The following APBA1 variants were observed in gnomAD, a reference collection of about 807,000 sequenced individuals.
APBA1 encodes amyloid-beta A4 precursor protein-binding family A member 1.
In APBA1, 55 loss-of-function variants were observed where a neutral mutation model predicts 86.6. The ratio of observed to expected loss-of-function variants is 0.64; its 90% CI spans 0.51 to 0.80. The LOEUF is 0.80. APBA1 is among the 30% of genes least tolerant of loss of function. The pLI, the probability that APBA1 is intolerant of heterozygous loss-of-function variation, is 0.00. For synonymous variants in APBA1, 511 were observed against 493.9 expected (o/e 1.03, Z -0.46); for missense variants, 1,090 against 1,183.0 (o/e 0.92, Z 1.15).
chr9:69,562,776 A>G (rs1836966957), intron 1 of APBA1, among the ~76,000 whole-genome samples: 2 of 152,246 alleles, frequency 1.3e-5, no homozygotes, highest in Admixed American at 6.5e-5. Flanking sequence ...TGCTGGAAAG[A>G]GAAGAAAGAT....
rs574689073 is a variant in APBA1 at position 69,546,962 on chromosome 9, A to G, written c.-69-29683T>C. 1.6e-3 allele frequency among the ~76,000 whole-genome samples: 251 copies of G among 152,362 alleles called. 1 individual carries two copies. The highest frequency in any genetic ancestry group is 5.8e-3 in the African/African-American group (241 of 41,592). ...GGCAGTTTAAAAGTGTTACGCATACATTTAAAACTACTTCTGTTTTGAAAT... is the reference window on the plus strand; with the variant it reads ...GGCAGTTTAAAAGTGTTACGCATACGTTTAAAACTACTTCTGTTTTGAAAT... On this transcript the variant is annotated intron_variant, in intron 1 of 12. Transcript: ENST00000265381.
chr9:69,476,912 T>C (rs755895474), intron 2 of APBA1, among the ~76,000 whole-genome samples: 1 of 152,260 alleles, frequency 6.6e-6, no homozygotes, highest in South Asian at 2.1e-4. Context: ...CAGGTCAGTG[T>C]ACACAGAAGG....
At chr9:69,636,046 T>G (rs1823150616) in intron 1 of APBA1, among the ~76,000 whole-genome samples, 1 of 152,068 alleles carries the variant, frequency 6.6e-6, no homozygotes, top group South Asian at 2.1e-4. Context: ...CTAAAACAAC[T>G]CTATAGGAAA....
intron 1 of APBA1, among the ~76,000 whole-genome samples, chr9:69,635,893 A>G (rs1444949254): frequency 2.0e-5 from 3 of 152,216 alleles, no homozygotes; most frequent in African/African-American, 7.2e-5. Context: ...AGGAAACCAA[A>G]GCAAAAATGG....
At chr9:69,617,961 C>CAG (rs1822735952) in intron 1 of APBA1, among the ~76,000 whole-genome samples, 1 of 151,972 alleles carries the variant, frequency 6.6e-6, no homozygotes. Context: ...CTTAAACACA[C>CAG]ACACACAGCC....
intron 1 of APBA1, among the ~76,000 whole-genome samples, chr9:69,528,705 G>T (rs1261160242): frequency 6.6e-6 from 1 of 151,764 alleles, no homozygotes; most frequent in African/African-American, 2.4e-5. Flanking sequence ...GGGGGCGAGG[G>T]TATTAAATCA....
At chr9:69,631,985 C>G (rs1340299915) in intron 1 of APBA1, among the ~76,000 whole-genome samples, 1 of 151,818 alleles carries the variant, frequency 6.6e-6, no homozygotes, top group Non-Finnish European at 1.5e-5. Flanking sequence ...CAACATGGCA[C>G]ATGTATACAT....
At chr9:69,596,198 G>A (rs1025471256) in intron 1 of APBA1, among the ~76,000 whole-genome samples, 2 of 152,206 alleles carry the variant, frequency 1.3e-5, no homozygotes, top group East Asian at 3.9e-4. Flanking sequence ...TGTTGCCCAT[G>A]CTGGCATTGA....
At chr9:69,513,512 C>G (rs765172523) in intron 2 of APBA1, among the ~76,000 whole-genome samples, 3 of 152,256 alleles carry the variant, frequency 2.0e-5, no homozygotes, top group Non-Finnish European at 4.4e-5. Flanking sequence ...AAAACCTGCT[C>G]TATTTCCACC....
chr9:69,594,797 A>G (rs1822197864), intron 1 of APBA1, among the ~76,000 whole-genome samples: 2 of 152,150 alleles, frequency 1.3e-5, no homozygotes, highest in Admixed American at 1.3e-4. Flanking sequence ...AGCCAATCAT[A>G]CAACACTTTC....
At chr9:69,528,767 C>G (rs948429209) in intron 1 of APBA1, among the ~76,000 whole-genome samples, 2 of 152,132 alleles carry the variant, frequency 1.3e-5, no homozygotes, top group African/African-American at 2.4e-5. Flanking sequence ...CATACGTACA[C>G]ACACACACAA....
intron 1 of APBA1, among the ~76,000 whole-genome samples, chr9:69,583,066 C>T (rs1402699281): frequency 6.6e-6 from 1 of 152,152 alleles, no homozygotes; most frequent in Non-Finnish European, 1.5e-5. Flanking sequence ...TGTTCTTTGT[C>T]TATGAGGAAC....
intron 4 of APBA1, among the ~76,000 whole-genome samples, chr9:69,468,851 T>TA (rs1257175576): frequency 6.7e-6 from 1 of 148,834 alleles, no homozygotes; most frequent in Non-Finnish European, 1.5e-5. Flanking sequence ...AATTGAAACA[T>TA]ACGTATTTTA....
rs185803171 is a variant in APBA1, at chr9:69,639,972, G to C, written c.-70+32181C>G. ...ATTTATATAAAACACAGAGAACAGA[G>C]AGCATATGAAATGACAGTACAGGGG... On this transcript the variant is annotated intron_variant, in intron 1 of 12. Coordinates refer to ENST00000265381, the MANE Select transcript of APBA1 (RefSeq NM_001163.4). Among the ~76,000 whole-genome samples, 361 of 152,132 alleles carry C rather than the reference G, an allele frequency of 2.4e-3. 1 individual carries two copies. The highest frequency in any genetic ancestry group is 8.1e-3 in the African/African-American group (335 of 41,540).
At chr9:69,493,278 C>T (rs1443288133) in intron 2 of APBA1, among the ~76,000 whole-genome samples, 1 of 151,966 alleles carries the variant, frequency 6.6e-6, no homozygotes, top group Non-Finnish European at 1.5e-5. Context: ...TTTTTTCCCT[C>T]TTCTACTTCC....
chr9:69,542,265 A>T (rs936678554), intron 1 of APBA1, among the ~76,000 whole-genome samples: 1 of 152,232 alleles, frequency 6.6e-6, no homozygotes, highest in Non-Finnish European at 1.5e-5. Flanking sequence ...AGACTGGCAC[A>T]TCGTTATAAA....
intron 2 of APBA1, among the ~76,000 whole-genome samples, chr9:69,498,989 AAC>A (rs1374336340): frequency 3.3e-5 from 5 of 152,130 alleles, no homozygotes; most frequent in African/African-American, 1.2e-4. Context: ...CTGCCTGGAA[AAC>A]ACACTGGGTT....
chr9:69,467,374 G>A (rs1835295676), intron 5 of APBA1, among the ~76,000 whole-genome samples: 1 of 152,160 alleles, frequency 6.6e-6, no homozygotes, highest in African/African-American at 2.4e-5. Context: ...CATTTTCCTT[G>A]AAGCAAGCAA....
intron 1 of APBA1, among the ~76,000 whole-genome samples, chr9:69,590,230 C>T (rs1480363320): frequency 4.6e-5 from 7 of 152,196 alleles, no homozygotes; most frequent in Admixed American, 3.3e-4. Context: ...ACATGCTTTA[C>T]CTATTTTAGA....
Sources: gnomAD v4.1 joint callset for allele counts (sites outside exome capture counted in the v4.1 genomes callset) on GRCh38, gnomAD v4.1.1 for gene constraint, MANE v1.5 for transcripts, NCBI Gene and HGNC (gene_info 2026-07-23, HGNC 2026-07-21) for gene names.